FNBP1: variants seen among roughly 807,000 people sequenced by gnomAD.
The protein encoded by FNBP1 is formin-binding protein 1.
In FNBP1, 26 loss-of-function variants were observed where a neutral mutation model predicts 90.6. The observed-to-expected ratio is 0.29, with a 90% CI of 0.21 to 0.40. The LOEUF is 0.40. Ranked by LOEUF, FNBP1 falls within the 10% of genes least tolerant of loss-of-function variation. FNBP1 has a pLI of 1.00. For synonymous variants in FNBP1, 260 were observed against 265.2 expected, an observed-to-expected ratio of 0.98 and a Z score of 0.19; for missense variants, 635 against 768.0, an observed-to-expected ratio of 0.83 and a Z score of 2.05.
At position 129,890,579 on chromosome 9, in the gene FNBP1, C is replaced by A. The variant is rs1564240208; in HGVS notation, c.1847-33G>T. 2.6e-6 allele frequency: 4 copies of A among 1,563,456 alleles called. No individual in the cohort carries two copies. The African/African-American group carries it at 4.1e-5, about 16-fold the overall frequency. ...ACAAAGAGAAACAGAAAGAGAAACT[C>A]TCTGTTAGAGAGGAAGGCGCGGGTT... On this transcript the variant is annotated intron_variant, in intron 16 of 16. Coordinates refer to ENST00000446176, the MANE Select transcript of FNBP1 (RefSeq NM_015033.3). The surrounding 1 kb of genome is among the most constrained non-coding windows in gnomAD (Gnocchi z 5.8).
intron 16 of FNBP1, chr9:129,895,622 C>T (rs1211650672): frequency 4.0e-6 from 5 of 1,237,958 alleles, no homozygotes; most frequent in African/African-American, 1.6e-5. Flanking sequence ...CATAAAATTT[C>T]ATCAGCAAGT....
rs1044891915 is a variant in FNBP1, at chr9:130,010,676, C to A, written c.25-15718G>T. 2.6e-5 allele frequency among the ~76,000 whole-genome samples: 4 copies of A among 152,014 alleles called. No homozygotes were observed. The East Asian group carries it at 5.8e-4, about 22-fold the overall frequency. On this transcript the variant is annotated intron_variant, in intron 1 of 16. Transcript: ENST00000446176. ...TTTCTCAGCTATTACTGAACTGAGACACCAACCTGGAATTTCCCTGCCTCT... is the reference window on the plus strand; with the variant it reads ...TTTCTCAGCTATTACTGAACTGAGAAACCAACCTGGAATTTCCCTGCCTCT...
chr9:129,889,449 A>C lies in FNBP1; in HGVS notation c.*1090T>G. 5.4e-6 allele frequency: 1 copy of C among 183,658 alleles called. No individual in the cohort carries two copies. Among genetic ancestry groups the C allele is most frequent in the Non-Finnish European group, 1.2e-5 (1 of 86,536 alleles). 11.4% of individuals were successfully genotyped at this position (183,658 alleles called of 1,614,324 possible). A position where few individuals can be genotyped will look rare whatever the true frequency, so the allele number is the denominator to read the frequency against. ...GCCGGGCGTGGTGGTGCACGCCTGT[A>C]ATCACAGCTATTTGGGAGGCTGAGG... On this transcript the variant is annotated 3_prime_UTR_variant, in exon 17 of 17. Coordinates refer to ENST00000446176, the MANE Select transcript of FNBP1 (RefSeq NM_015033.3).
intron 4 of FNBP1, among the ~76,000 whole-genome samples, chr9:129,965,992 C>T (rs1325811567): frequency 6.6e-6 from 1 of 152,078 alleles, no homozygotes; most frequent in African/African-American, 2.4e-5. Flanking sequence ...AGATAGAGTG[C>T]CAGGGTGATC....
At chr9:129,937,183 A>AG (rs1456135439) in intron 6 of FNBP1, among the ~76,000 whole-genome samples, 1 of 150,756 alleles carries the variant, frequency 6.6e-6, no homozygotes, top group Non-Finnish European at 1.5e-5. Flanking sequence ...GGGGGGAAAA[A>AG]AATAAAAGGA....
At chr9:129,936,770 T>C (rs1189257341) in intron 6 of FNBP1, among the ~76,000 whole-genome samples, 1 of 152,212 alleles carries the variant, frequency 6.6e-6, no homozygotes, top group Non-Finnish European at 1.5e-5. Flanking sequence ...GGCCACTGGA[T>C]ATTATTTTCT....
intron 6 of FNBP1, among the ~76,000 whole-genome samples, chr9:129,942,790 G>A (rs905613202): frequency 6.7e-6 from 1 of 149,050 alleles, no homozygotes; most frequent in Non-Finnish European, 1.5e-5. Context: ...TGAGGAGTAG[G>A]TTCAATAGCA....
chr9:129,967,922 G>T (rs568015890), intron 4 of FNBP1, among the ~76,000 whole-genome samples: 1 of 151,760 alleles, frequency 6.6e-6, no homozygotes, highest in South Asian at 2.1e-4. Context: ...GTCCAGGCTG[G>T]TCTTGAACTC....
rs762028793 is a variant in FNBP1 at position 129,978,503 on chromosome 9, C to T, written c.307G>A (p.Ala103Thr). ...TGTTTCAGTTCCTGAACATAGCGTG[C>T]CAAGTCCACAATGATCTGTGATGCC... ...NMASQIIVDL[A>T]RYVQELKQER... The change falls in exon 4 of 17, where the codon GCA becomes ACA. Residue 103 changes from alanine (A) to threonine (T), a missense_variant. Ala to Thr is a moderately conservative substitution (Grantham distance 58, BLOSUM62 0). Coordinates refer to ENST00000446176, the MANE Select transcript of FNBP1 (RefSeq NM_015033.3). The T allele has an allele frequency of 1.9e-6, 3 of 1,613,666 alleles. No individual in the cohort carries two copies. The East Asian group carries it at 6.7e-5, about 36-fold the overall frequency.
At chr9:129,909,284 A>G (rs1489846582) in intron 11 of FNBP1, among the ~76,000 whole-genome samples, 1 of 152,244 alleles carries the variant, frequency 6.6e-6, no homozygotes, top group Non-Finnish European at 1.5e-5. Context: ...TTCTGACTCT[A>G]GGGAGAATCC....
chr9:130,029,695 T>C (rs2058640594), intron 1 of FNBP1, among the ~76,000 whole-genome samples: 1 of 152,106 alleles, frequency 6.6e-6, no homozygotes, highest in Admixed American at 6.6e-5. Context: ...GACAGATTCT[T>C]ATAAACGGCC....
At chr9:129,918,706 T>C (rs1344701664) in intron 10 of FNBP1, among the ~76,000 whole-genome samples, 1 of 152,192 alleles carries the variant, frequency 6.6e-6, no homozygotes, top group East Asian at 1.9e-4. Context: ...AACATGGATA[T>C]GGGTGACTGA....
chr9:129,892,044 G>A (rs958248511), intron 16 of FNBP1, among the ~76,000 whole-genome samples: 4 of 152,128 alleles, frequency 2.6e-5, no homozygotes, highest in African/African-American at 7.2e-5. Context: ...CTCAAGTGCG[G>A]AGCCGCAGCG....
the FNBP1 span, among the ~76,000 whole-genome samples, chr9:130,049,880 GTTTTGT>G: frequency 2.6e-5 from 4 of 151,960 alleles, no homozygotes; most frequent in African/African-American, 9.7e-5. Context: ...TGTGTTTTGT[GTTTTGT>G]TTTTGTTTTT....
At chr9:129,897,163 G>A (rs944927362) in intron 15 of FNBP1, among the ~76,000 whole-genome samples, 3 of 152,150 alleles carry the variant, frequency 2.0e-5, no homozygotes, top group South Asian at 2.1e-4. Flanking sequence ...TCTGGGAGCC[G>A]TCTTGGATTT....
chr9:129,966,457 AGTGGCT>A lies in FNBP1; in HGVS notation c.346-7910_346-7905del. Among the ~76,000 whole-genome samples the A allele has an allele frequency of 6.6e-6, 1 of 152,290 alleles. No homozygotes were observed. Among genetic ancestry groups the A allele is most frequent in the Non-Finnish European group, 1.5e-5 (1 of 68,024 alleles). Reference sequence around the variant, plus strand: ...AAGAAAGGAAGTGACAGCCGGATGCAGTGGCTCACGCCTGTAATCCCAGCACTTTGG... The same window carrying A: ...AAGAAAGGAAGTGACAGCCGGATGCACACGCCTGTAATCCCAGCACTTTGG... On this transcript the variant is annotated intron_variant, in intron 4 of 16. Coordinates refer to ENST00000446176, the MANE Select transcript of FNBP1 (RefSeq NM_015033.3). This position sits in a 1 kb window ranked among gnomAD's most constrained non-coding sequence, Gnocchi z 4.3.
chr9:129,896,095 G>A (rs2035690332), intron 15 of FNBP1, 99 bp from the exon 16 acceptor site: 1 of 1,310,514 alleles, frequency 7.6e-7, no homozygotes, highest in African/African-American at 1.5e-5. Context: ...CGAAGATGAA[G>A]TCCACACAAA....
At chr9:129,918,871 G>C (rs1319552674) in intron 10 of FNBP1, 3 of 155,746 alleles carry the variant, frequency 1.9e-5, no homozygotes, top group African/African-American at 9.4e-5. Flanking sequence ...AATGAAAAGA[G>C]AAAAACAAAA....
chr9:129,928,660 CAA>C (rs901155477), intron 7 of FNBP1, among the ~76,000 whole-genome samples: 4 of 95,978 alleles, frequency 4.2e-5, no homozygotes, highest in Admixed American at 2.3e-4. Context: ...GACTCCATCT[CAA>C]AAAAAAAAAA....
Sources: gnomAD v4.1 joint callset for allele counts (sites outside exome capture counted in the v4.1 genomes callset) on GRCh38, gnomAD v4.1.1 for gene constraint, Gnocchi (gnomAD v3.1) non-coding constraint, MANE v1.5 for transcripts, NCBI Gene and HGNC (gene_info 2026-07-23, HGNC 2026-07-21) for gene names.